Variants in SKAP1 observed in about 807,000 individuals in gnomAD.
SKAP1 encodes the protein src kinase associated phosphoprotein 1.
SKAP1 carries 44 observed loss-of-function variants against 58.5 expected under a neutral mutation model. The observed-to-expected ratio is 0.75, with a 90% CI of 0.59 to 0.97. The LOEUF (loss-of-function observed/expected upper bound fraction) is 0.97. Ranked by LOEUF, SKAP1 falls within the 50% of genes least tolerant of loss-of-function variation. The pLI, the probability that SKAP1 is intolerant of heterozygous loss-of-function variation, is 0.00. For synonymous variants in SKAP1, 127 were observed against 149.7 expected, an observed-to-expected ratio of 0.85 and a Z score of 1.11; for missense variants, 390 against 435.2, an observed-to-expected ratio of 0.90 and a Z score of 0.92.
chr17:48,440,627 A>G, the SKAP1 span, among the ~76,000 whole-genome samples: 1 of 152,194 alleles, frequency 6.6e-6, no homozygotes, highest in Non-Finnish European at 1.5e-5. Context: ...GGGAAAGGGA[A>G]GGCCAAGGGC....
intron 10 of SKAP1, among the ~76,000 whole-genome samples, chr17:48,166,868 C>CT (rs34581074): frequency 0.024 from 3,479 of 146,884 alleles, 109 homozygotes; most frequent in African/African-American, 0.077. Context: ...ACAATTTTTC[C>CT]TTTTTTTTTT....
chr17:48,421,490 A>G (rs2067793082), intron 1 of SKAP1, among the ~76,000 whole-genome samples: 1 of 151,910 alleles, frequency 6.6e-6, no homozygotes, highest in South Asian at 2.1e-4. Context: ...TTTTTAGTAG[A>G]GACGGGGTTT....
At chr17:48,139,605 A>G (rs1227499815) in intron 11 of SKAP1, among the ~76,000 whole-genome samples, 1 of 152,228 alleles carries the variant, frequency 6.6e-6, no homozygotes, top group Non-Finnish European at 1.5e-5. Context: ...ACAAAACAAA[A>G]GAAGTAAAAC....
intron 4 of SKAP1, among the ~76,000 whole-genome samples, chr17:48,310,978 T>C (rs2066215853): frequency 6.6e-6 from 1 of 152,220 alleles, no homozygotes; most frequent in Non-Finnish European, 1.5e-5. Context: ...GATGGTAAAC[T>C]TGACCTGCCG....
chr17:48,275,855 G>A (rs931865107), intron 4 of SKAP1, among the ~76,000 whole-genome samples: 3 of 152,200 alleles, frequency 2.0e-5, no homozygotes, highest in East Asian at 1.9e-4. Context: ...ATTTGGTCAA[G>A]CCTAAATCAT....
chr17:48,140,095 G>A (rs8071879), intron 11 of SKAP1, among the ~76,000 whole-genome samples: 134,755 of 152,032 alleles, frequency 0.89, 59,715 homozygotes, highest in Admixed American at 0.92. Flanking sequence ...CACTTGTTGG[G>A]AAAGTTTACT....
chr17:48,233,669 A>G (rs910432051), intron 4 of SKAP1, among the ~76,000 whole-genome samples: 2 of 152,090 alleles, frequency 1.3e-5, no homozygotes, highest in Admixed American at 6.6e-5. Context: ...CCTGGCCAAC[A>G]TGGTGAAACC....
rs577441974 is a variant in SKAP1, at chr17:48,187,075, C to A, written c.442+768G>T. Among the ~76,000 whole-genome samples, 8 of 152,338 alleles carry A rather than the reference C, an allele frequency of 5.3e-5. No homozygotes were observed. In the South Asian group the frequency reaches 1.7e-3, roughly 32 times the overall value. Reference sequence around the variant, plus strand: ...GCAGTCCAACTCTGTAGAAGAGTATCCCCTATTCGAAAGTTTGCATTCATC... The same window carrying A: ...GCAGTCCAACTCTGTAGAAGAGTATACCCTATTCGAAAGTTTGCATTCATC... On this transcript the variant is annotated intron_variant, in intron 6 of 12. Transcript: ENST00000336915.
intron 2 of SKAP1, among the ~76,000 whole-genome samples, chr17:48,377,779 G>C (rs370597236): frequency 1.3e-5 from 2 of 152,070 alleles, no homozygotes; most frequent in African/African-American, 4.8e-5. Context: ...TAGAGGGATA[G>C]GTAATAGAGC....
intron 12 of SKAP1, 38 bp downstream of exon 12, chr17:48,137,190 CT>C (rs749068512): frequency 7.6e-7 from 1 of 1,315,918 alleles, no homozygotes; most frequent in Non-Finnish European, 1.1e-6. Context: ...ACAAGTTCCA[CT>C]CAACTATTAG....
At chr17:48,180,656 T>C (rs2143455476) in intron 8 of SKAP1, among the ~76,000 whole-genome samples, 1 of 152,308 alleles carries the variant, frequency 6.6e-6, no homozygotes, top group South Asian at 2.1e-4. Flanking sequence ...ACTCAGGCCG[T>C]GGGAGCTAAG....
chr17:48,144,025 C>G (rs1036451374), intron 11 of SKAP1, among the ~76,000 whole-genome samples: 2 of 152,194 alleles, frequency 1.3e-5, no homozygotes, highest in African/African-American at 4.8e-5. Context: ...CAGGGGAACA[C>G]TGACCCTGCC....
chr17:48,326,322 A>G (rs2066436468), intron 4 of SKAP1, among the ~76,000 whole-genome samples: 1 of 152,210 alleles, frequency 6.6e-6, no homozygotes, highest in Non-Finnish European at 1.5e-5. Flanking sequence ...ATTATTCTTA[A>G]AATCATGATA....
intron 4 of SKAP1, among the ~76,000 whole-genome samples, chr17:48,262,302 A>C (rs1418469727): frequency 6.6e-6 from 1 of 152,194 alleles, no homozygotes; most frequent in African/African-American, 2.4e-5. Context: ...AGAGATCATA[A>C]AAATGACTCA....
chr17:48,280,765 T>C (rs544265024), intron 4 of SKAP1, among the ~76,000 whole-genome samples: 5 of 152,312 alleles, frequency 3.3e-5, no homozygotes, highest in African/African-American at 7.2e-5. Context: ...TGAAATCATA[T>C]AGTATCTAAT....
chr17:48,272,607 G>A (rs1285200770), intron 4 of SKAP1, among the ~76,000 whole-genome samples: 1 of 152,116 alleles, frequency 6.6e-6, no homozygotes, highest in Non-Finnish European at 1.5e-5. Flanking sequence ...CTAGGTTGGA[G>A]TGCAGCAGTG....
In SKAP1 at chr17:48,237,987, GTTTTGTT is replaced by G. The variant is rs1285213667; in HGVS notation, c.281-48494_281-48488del. ...TTGTTGTTGTTGTTGTTTTTTGTTTGTTTTGTTTTTTGTTTTTTGTTTTTGAGACGGA... is the reference window on the plus strand; with the variant it reads ...TTGTTGTTGTTGTTGTTTTTTGTTTGTTTTGTTTTTTGTTTTTGAGACGGA... On this transcript the variant is annotated intron_variant, in intron 4 of 12. Transcript: ENST00000336915. Among the ~76,000 whole-genome samples, 10 of 147,670 alleles carry G rather than the reference GTTTTGTT, an allele frequency of 6.8e-5. No individual in the cohort carries two copies. The East Asian group carries it at 7.9e-4, about 12-fold the overall frequency.
intron 4 of SKAP1, among the ~76,000 whole-genome samples, chr17:48,208,127 C>A (rs1003986668): frequency 6.6e-6 from 1 of 152,074 alleles, no homozygotes; most frequent in African/African-American, 2.4e-5. Flanking sequence ...GAGTGGAAAT[C>A]GTGTTTTCAG....
rs112872373 is a variant in SKAP1, at chr17:48,269,565, T to C, written c.280+76340A>G. On this transcript the variant is annotated intron_variant, in intron 4 of 12. Transcript: ENST00000336915. ...TCGCCCAAATTATTGTGCTCCATCA[T>C]TATTCCACCTTAAATGCCTTCATTT... Among the ~76,000 whole-genome samples, 6 of 152,354 alleles carry C rather than the reference T, an allele frequency of 3.9e-5. 2 individuals carry two copies. Among genetic ancestry groups the C allele is most frequent in the African/African-American group, 1.4e-4 (6 of 41,576 alleles).
Sources: gnomAD v4.1 joint callset for allele counts (sites outside exome capture counted in the v4.1 genomes callset) on GRCh38, gnomAD v4.1.1 for gene constraint, MANE v1.5 for transcripts, NCBI Gene and HGNC (gene_info 2026-07-23, HGNC 2026-07-21) for gene names.